VPS50: variants seen among roughly 807,000 people sequenced by gnomAD.
VPS50 encodes the protein VPS50 subunit of EARP/GARPII complex.
In VPS50, 70 loss-of-function variants were observed where a neutral mutation model predicts 139.7. The ratio of observed to expected loss-of-function variants is 0.50; its 90% CI spans 0.41 to 0.61. The LOEUF is 0.61. VPS50 is among the 20% of genes least tolerant of loss of function. VPS50 has a pLI of 0.00. For missense variants in VPS50, 921 were observed against 1,133.7 expected (o/e 0.81, Z 2.69); for synonymous variants, 365 against 376.7 (o/e 0.97, Z 0.36).
At chr7:93,283,719 G>T (rs1796398799) in intron 12 of VPS50, among the ~76,000 whole-genome samples, 1 of 152,182 alleles carries the variant, frequency 6.6e-6, no homozygotes, top group South Asian at 2.1e-4. Context: ...TTTAAGGTTT[G>T]CAAGGGAGGA....
chr7:93,245,573 A>G (rs1180707822), intron 2 of VPS50, among the ~76,000 whole-genome samples: 1 of 151,930 alleles, frequency 6.6e-6, no homozygotes, highest in East Asian at 1.9e-4. Context: ...CATGTGACAC[A>G]TATTAAAATA....
At chr7:93,331,272 AAAATTGATAC>A (rs1236685451) in intron 21 of VPS50, among the ~76,000 whole-genome samples, 2 of 148,672 alleles carry the variant, frequency 1.3e-5, no homozygotes, top group Admixed American at 1.3e-4. Flanking sequence ...AGTTTATTTT[AAAATTGATAC>A]AAAAAGCAAA....
At chr7:93,291,883 C>T in intron 13 of VPS50, 48 bp downstream of exon 13, 2 of 1,293,644 alleles carry the variant, frequency 1.5e-6, no homozygotes, top group East Asian at 2.6e-5. Context: ...TATAAATATC[C>T]CACATTACTG....
rs755903667 is a variant in VPS50, at chr7:93,355,996, T to C, written c.2691T>C (p.Ile897=). ...KLEKLTDIRP[I]PDKEFVETYI... is the part of the protein sequence containing the mutation. ...AAAAACTAACAGATATTAGACCCAT[T>C]CCTGATAAAGAATTTGTAGAAACTT... Residue 897 remains isoleucine, a synonymous_variant, in exon 27 of 28, where the codon ATT becomes ATC. Transcript: ENST00000305866. 1 of 1,584,458 alleles carries C rather than the reference T, an allele frequency of 6.3e-7. No individual in the cohort carries two copies. The highest frequency in any genetic ancestry group is 8.6e-7 in the Non-Finnish European group (1 of 1,157,184).
intron 25 of VPS50, among the ~76,000 whole-genome samples, chr7:93,350,843 A>T (rs1398677952): frequency 6.6e-6 from 1 of 152,226 alleles, no homozygotes; most frequent in African/African-American, 2.4e-5. Context: ...TGGAAAGAGC[A>T]TCTGAGAAAA....
At chr7:93,312,981 C>T (rs1797314783) in intron 20 of VPS50, among the ~76,000 whole-genome samples, 1 of 152,204 alleles carries the variant, frequency 6.6e-6, no homozygotes, top group South Asian at 2.1e-4. Flanking sequence ...ACTGTTGGTG[C>T]ATCAAGACGT....
intron 2 of VPS50, among the ~76,000 whole-genome samples, chr7:93,243,890 G>A (rs1310542966): frequency 2.0e-5 from 3 of 151,798 alleles, no homozygotes; most frequent in African/African-American, 4.8e-5. Context: ...CTTCCACAGT[G>A]GCACAATGTG....
At chr7:93,311,995 A>G (rs963822599) in intron 20 of VPS50, among the ~76,000 whole-genome samples, 1 of 152,156 alleles carries the variant, frequency 6.6e-6, no homozygotes, top group Non-Finnish European at 1.5e-5. Flanking sequence ...TCTATATTCT[A>G]TCTATGGAGA....
chr7:93,318,330 C>T (rs1797491620), intron 20 of VPS50, among the ~76,000 whole-genome samples: 1 of 152,032 alleles, frequency 6.6e-6, no homozygotes, highest in Non-Finnish European at 1.5e-5. Context: ...ACCTGGTAGC[C>T]AGGCACTTAG....
rs188000334 is a variant in VPS50, at chr7:93,255,041, T to G, written c.297+1110T>G. On this transcript the variant is annotated intron_variant, in intron 4 of 27. Coordinates refer to ENST00000305866, the MANE Select transcript of VPS50 (RefSeq NM_017667.4). The stretch of plus-strand genomic sequence containing the variant: ...TCTAGAGCAGTGGTTGCCAATTCTT[T>G]TGGCACCAGGGACCAGTTTTGTGGA... Among the ~76,000 whole-genome samples, 14 of 152,220 alleles carry G rather than the reference T, an allele frequency of 9.2e-5. No homozygotes were observed. The East Asian group carries it at 2.3e-3, about 25-fold the overall frequency.
intron 16 of VPS50, among the ~76,000 whole-genome samples, chr7:93,302,707 T>C (rs1797011886): frequency 6.6e-6 from 1 of 152,040 alleles, no homozygotes; most frequent in Non-Finnish European, 1.5e-5. Flanking sequence ...TTTTAAAAAA[T>C]CTAGATTTTG....
chr7:93,319,330 CTT>C (rs773277774), intron 20 of VPS50, among the ~76,000 whole-genome samples: 1 of 152,230 alleles, frequency 6.6e-6, no homozygotes, highest in African/African-American at 2.4e-5. Context: ...TGTTCGTTCT[CTT>C]GTTTCTAGTT....
chr7:93,232,510 G>T lies in VPS50; in HGVS notation c.33+10G>T. 3 of 1,612,166 alleles carry T rather than the reference G, an allele frequency of 1.9e-6. No homozygotes were observed. The highest frequency in any genetic ancestry group is 1.7e-6 in the Non-Finnish European group (2 of 1,178,392). On this transcript the variant is annotated intron_variant, in intron 1 of 27. Coordinates refer to ENST00000305866, the MANE Select transcript of VPS50 (RefSeq NM_017667.4). ...TCTCATGACCCGACAGGTAAGTCGCGGCGGCTGAAGCAAAGGCTTCCTTCA... is the reference window on the plus strand; with the variant it reads ...TCTCATGACCCGACAGGTAAGTCGCTGCGGCTGAAGCAAAGGCTTCCTTCA...
intron 12 of VPS50, among the ~76,000 whole-genome samples, chr7:93,281,548 G>T (rs1796326704): frequency 6.6e-6 from 1 of 152,016 alleles, no homozygotes; most frequent in South Asian, 2.1e-4. Context: ...TTTGTTTTGG[G>T]TTCTCTATAG....
At chr7:93,245,666 A>T (rs1403032864) in intron 2 of VPS50, among the ~76,000 whole-genome samples, 1 of 151,844 alleles carries the variant, frequency 6.6e-6, no homozygotes, top group East Asian at 1.9e-4. Context: ...TCTATAAATC[A>T]TTTTGCCCAA....
At position 93,239,925 on chromosome 7, in the gene VPS50, C is replaced by T; in HGVS notation, c.93C>T (p.Val31=). 1 of 1,596,054 alleles carries T rather than the reference C, an allele frequency of 6.3e-7. No homozygotes were observed. Among genetic ancestry groups the T allele is most frequent in the South Asian group, 1.1e-5 (1 of 90,698 alleles). The change falls in exon 2 of 28, where the codon GTC becomes GTT. Residue 31 remains valine (V), a synonymous_variant. Transcript: ENST00000305866. Reference sequence around the variant, plus strand: ...TTGGTGCCATAGAGAGTCTCCGGGTCCCTGGAAAGGTATTGAGCTACACGT... The same window carrying T: ...TTGGTGCCATAGAGAGTCTCCGGGTTCCTGGAAAGGTATTGAGCTACACGT... ...SDLGAIESLR[V]PGKEEFRELR...
rs751114451 is a variant in VPS50, at chr7:93,254,934, G to T, written c.297+1003G>T. 2.6e-5 allele frequency among the ~76,000 whole-genome samples: 4 copies of T among 152,076 alleles called. 1 individual carries two copies. Among genetic ancestry groups the T allele is most frequent in the Non-Finnish European group, 5.9e-5 (4 of 68,032 alleles). ...AAGGTATACTTTTCTATTACACTCA[G>T]AAGTCTCAGTGGGTGCTAGGGTCTG... On this transcript the variant is annotated intron_variant, in intron 4 of 27. Coordinates refer to ENST00000305866, the MANE Select transcript of VPS50 (RefSeq NM_017667.4).
At chr7:93,260,389 C>T (rs1795628266) in intron 9 of VPS50, among the ~76,000 whole-genome samples, 2 of 152,106 alleles carry the variant, frequency 1.3e-5, no homozygotes, top group South Asian at 2.1e-4. Flanking sequence ...TAAATTCATA[C>T]CCATCCCAGA....
At chr7:93,234,397 TG>T (rs1334835721) in intron 1 of VPS50, among the ~76,000 whole-genome samples, 2 of 152,098 alleles carry the variant, frequency 1.3e-5, no homozygotes, top group African/African-American at 2.4e-5. Flanking sequence ...TTAATTGAAA[TG>T]GAAAAAAATA....
Sources: allele counts gnomAD v4.1 joint callset (sites outside exome capture counted in the v4.1 genomes callset), GRCh38; gene constraint gnomAD v4.1.1; transcripts MANE v1.5; gene names NCBI Gene and HGNC (gene_info 2026-07-23, HGNC 2026-07-21).